Variants in NDUFS4 observed in about 807,000 individuals in gnomAD.
The protein encoded by NDUFS4 is NADH dehydrogenase [ubiquinone] iron-sulfur protein 4, mitochondrial.
Under a neutral mutation model 24.3 loss-of-function variants are expected in NDUFS4, and 28 were observed. That is an observed-to-expected ratio of 1.15 (90% CI 0.85 to 1.58). The LOEUF (loss-of-function observed/expected upper bound fraction) is 1.58. NDUFS4 is among the 40% of genes most tolerant of loss of function. The pLI is 0.00. For missense variants in NDUFS4, 223 were observed against 207.9 expected (o/e 1.07, Z -0.45); for synonymous variants, 93 against 69.7 (o/e 1.34, Z -1.67).
intron 4 of NDUFS4, among the ~76,000 whole-genome samples, chr5:53,660,591 G>A (rs1752305816): frequency 6.6e-6 from 1 of 152,032 alleles, no homozygotes; most frequent in Non-Finnish European, 1.5e-5. Flanking sequence ...TTCCACAATG[G>A]TTGAACTAGT....
chr5:53,616,460 T>C (rs568612900), intron 2 of NDUFS4, among the ~76,000 whole-genome samples: 1 of 152,118 alleles, frequency 6.6e-6, no homozygotes, highest in South Asian at 2.1e-4. Flanking sequence ...GAAACCCACT[T>C]TGAGATGTTG....
rs920502819 is a variant in NDUFS4 at position 53,590,535 on chromosome 5, A to G, written c.99-12917A>G. Among the ~76,000 whole-genome samples the G allele has an allele frequency of 2.0e-5, 3 of 152,230 alleles. No homozygotes were observed. The South Asian group carries it at 6.2e-4, about 32-fold the overall frequency. On this transcript the variant is annotated intron_variant, in intron 1 of 4. Transcript: ENST00000296684. ...AAATTTGTTCCATGAGGCAGTACAA[A>G]TGAATAATCATATTGAAGTTCAACA...
intron 2 of NDUFS4, among the ~76,000 whole-genome samples, chr5:53,637,744 A>G (rs1011487383): frequency 2.6e-5 from 4 of 152,090 alleles, no homozygotes; most frequent in African/African-American, 9.7e-5. Flanking sequence ...GTTCTGCTTG[A>G]TTTTGATGAG....
At chr5:53,606,270 G>A (rs1236746483) in intron 2 of NDUFS4, among the ~76,000 whole-genome samples, 1 of 152,204 alleles carries the variant, frequency 6.6e-6, no homozygotes, top group Non-Finnish European at 1.5e-5. Flanking sequence ...GGCTGCACAA[G>A]CATGGCACCA....
intron 2 of NDUFS4, among the ~76,000 whole-genome samples, chr5:53,632,820 C>A (rs1010872980): frequency 2.0e-5 from 3 of 152,096 alleles, no homozygotes; most frequent in Non-Finnish European, 4.4e-5. Flanking sequence ...TAGTCTGATC[C>A]CATTATGGAT....
intron 1 of NDUFS4, among the ~76,000 whole-genome samples, chr5:53,573,117 G>T (rs570702974): frequency 2.3e-4 from 35 of 151,484 alleles, no homozygotes; most frequent in African/African-American, 7.3e-4. Context: ...GACTACAGGT[G>T]CATACCACCA....
intron 3 of NDUFS4, among the ~76,000 whole-genome samples, chr5:53,652,112 A>G (rs1010477925): frequency 1.8e-4 from 27 of 152,142 alleles, no homozygotes; most frequent in Non-Finnish European, 8.8e-5. Context: ...GTCTAGGTCT[A>G]TCATATTGAT....
intron 1 of NDUFS4, among the ~76,000 whole-genome samples, chr5:53,579,062 A>C (rs913989830): frequency 6.6e-6 from 1 of 152,198 alleles, no homozygotes; most frequent in Non-Finnish European, 1.5e-5. Flanking sequence ...TGCTAATTGA[A>C]TATTTTCTTC....
At chr5:53,658,714 T>G (rs1468747014) in intron 4 of NDUFS4, 90 bp downstream of exon 4, 1 of 1,109,848 alleles carries the variant, frequency 9.0e-7, no homozygotes, top group Non-Finnish European at 1.3e-6. Flanking sequence ...GAATTTGAGT[T>G]GGAATCCAGT....
chr5:53,636,480 A>G (rs1300382920), intron 2 of NDUFS4, among the ~76,000 whole-genome samples: 1 of 152,258 alleles, frequency 6.6e-6, no homozygotes, highest in Non-Finnish European at 1.5e-5. Context: ...GTAAATAACA[A>G]AACTTCAAAA....
At chr5:53,658,975 C>T (rs995829010) in intron 4 of NDUFS4, among the ~76,000 whole-genome samples, 1 of 152,094 alleles carries the variant, frequency 6.6e-6, no homozygotes, top group Non-Finnish European at 1.5e-5. Flanking sequence ...CTAGTTTTGA[C>T]ACCTCTGTTT....
chr5:53,635,394 C>G (rs899874916), intron 2 of NDUFS4, among the ~76,000 whole-genome samples: 5 of 151,450 alleles, frequency 3.3e-5, no homozygotes, highest in African/African-American at 1.2e-4. Context: ...GAGGCATGTG[C>G]CTGTAGTCTT....
chr5:53,651,685 G>T (rs1231514669), intron 3 of NDUFS4, among the ~76,000 whole-genome samples: 1 of 151,598 alleles, frequency 6.6e-6, no homozygotes, highest in African/African-American at 2.4e-5. Flanking sequence ...TGCTAAAAGA[G>T]AAATGACTAT....
Position 53,646,290 on chromosome 5 carries a change from A to G in NDUFS4, c.235A>G (p.Ile79Val). The G allele has an allele frequency of 1.2e-6, 2 of 1,613,510 alleles. No homozygotes were observed. Among genetic ancestry groups the G allele is most frequent in the Non-Finnish European group, 1.7e-6 (2 of 1,179,550 alleles). The change falls in exon 3 of 5, where the codon ATC (isoleucine) becomes GTC (valine). Residue 79 changes from isoleucine (I) to valine (V), a missense_variant. Physicochemically the swap from Ile to Val is conservative, Grantham distance 29. Coordinates refer to ENST00000296684, the MANE Select transcript of NDUFS4 (RefSeq NM_002495.4). ...GCATATAAAAACTAGAAAAGTCAGG[A>G]TCTTTGTTCCTGCTCGCAATAACAT... is the stretch of plus-strand genomic sequence containing the variant. ...EEHIKTRKVR[I>V]FVPARNNMQS...
In NDUFS4 at chr5:53,570,684, C is replaced by CTT. The variant is rs70983360; in HGVS notation, c.98+9940_98+9941dup. Among the ~76,000 whole-genome samples, 191 of 119,864 alleles carry CTT rather than the reference C, an allele frequency of 1.6e-3. 1 individual carries two copies. Among genetic ancestry groups the CTT allele is most frequent in the African/African-American group, 2.8e-3 (90 of 31,590 alleles). 78.6% of individuals were successfully genotyped at this position (119,864 alleles called of 152,430 possible). A position where few individuals can be genotyped will look rare whatever the true frequency, so the allele number is the denominator to read the frequency against. ...TAACATTTGTATTGTATTTTTTTTTCTTTTTTTTTTTTTTTTTGAGACAGA... is the reference window on the plus strand; with the variant it reads ...TAACATTTGTATTGTATTTTTTTTTCTTTTTTTTTTTTTTTTTTTGAGACAGA... On this transcript the variant is annotated intron_variant, in intron 1 of 4. Transcript: ENST00000296684.
intron 2 of NDUFS4, among the ~76,000 whole-genome samples, chr5:53,645,341 T>G (rs938804149): frequency 1.3e-5 from 2 of 152,198 alleles, no homozygotes; most frequent in Non-Finnish European, 2.9e-5. Flanking sequence ...GGCAATGGCC[T>G]TGAGCAGTAG....
intron 2 of NDUFS4, among the ~76,000 whole-genome samples, chr5:53,608,149 AT>A (rs1229994302): frequency 1.3e-5 from 2 of 152,198 alleles, no homozygotes; most frequent in African/African-American, 4.8e-5. Context: ...TATAAAAGTT[AT>A]GTTTCTACCA....
At chr5:53,603,553 T>G (rs1200091796) in intron 2 of NDUFS4, 23 bp downstream of exon 2, 1 of 1,575,970 alleles carries the variant, frequency 6.3e-7, no homozygotes, top group African/African-American at 1.3e-5. Context: ...TACTACACAC[T>G]GCTATGGTTC....
At chr5:53,594,835 A>G (rs1338663541) in intron 1 of NDUFS4, among the ~76,000 whole-genome samples, 1 of 151,712 alleles carries the variant, frequency 6.6e-6, no homozygotes, top group Non-Finnish European at 1.5e-5. Context: ...ACACACAGAT[A>G]CACATACATT....
Sources: allele counts gnomAD v4.1 joint callset (sites outside exome capture counted in the v4.1 genomes callset), GRCh38; gene constraint gnomAD v4.1.1; transcripts MANE v1.5; gene names NCBI Gene and HGNC (gene_info 2026-07-23, HGNC 2026-07-21).